The following CCSER1 variants were observed in gnomAD, a reference collection of about 807,000 sequenced individuals.
The protein encoded by CCSER1 is serine-rich coiled-coil domain-containing protein 1.
CCSER1 carries 41 observed loss-of-function variants against 82.0 expected under a neutral mutation model. That is an observed-to-expected ratio of 0.50 (90% CI 0.39 to 0.65). The LOEUF (loss-of-function observed/expected upper bound fraction) is 0.65, where lower values mean the gene tolerates loss of function less well. Ranked by LOEUF, CCSER1 falls within the 30% of genes least tolerant of loss-of-function variation. The pLI is 0.00. For synonymous variants in CCSER1, 414 were observed against 383.9 expected (o/e 1.08, Z -0.92); for missense variants, 1,119 against 1,064.2 (o/e 1.05, Z -0.72).
chr4:91,113,681 C>T (rs1489089323), intron 10 of CCSER1, among the ~76,000 whole-genome samples: 6 of 151,994 alleles, frequency 3.9e-5, no homozygotes, highest in Non-Finnish European at 5.9e-5. Flanking sequence ...CACACATACC[C>T]TTTGAGTTAA....
chr4:90,140,571 G>C lies in CCSER1; in HGVS notation c.-42+12740G>C, dbSNP rs570894710. Among the ~76,000 whole-genome samples the C allele has an allele frequency of 4.0e-5, 6 of 150,788 alleles. No individual in the cohort carries two copies. In the East Asian group the frequency reaches 1.2e-3, roughly 29 times the overall value. ...ATCAATCTTTGTTATATGTGTGTAC[G>C]TACACATGTACACAGGTATGTAGTA... is the stretch of plus-strand genomic sequence containing the variant. On this transcript the variant is annotated intron_variant, in intron 1 of 10. Transcript: ENST00000509176.
At chr4:90,500,942 C>T (rs1164858803) in intron 5 of CCSER1, among the ~76,000 whole-genome samples, 1 of 151,496 alleles carries the variant, frequency 6.6e-6, no homozygotes, top group African/African-American at 2.4e-5. Context: ...TGACTAAAAA[C>T]AAACAAAAAA....
intron 10 of CCSER1, among the ~76,000 whole-genome samples, chr4:91,566,044 ATTATT>A (rs1177189155): frequency 2.0e-5 from 3 of 151,992 alleles, no homozygotes; most frequent in Admixed American, 6.6e-5. Flanking sequence ...GATAGCTCTT[ATTATT>A]TTGAGTTATG....
intron 8 of CCSER1, among the ~76,000 whole-genome samples, chr4:90,837,630 T>TA (rs201780697): frequency 1.3e-4 from 20 of 152,076 alleles, no homozygotes; most frequent in Non-Finnish European, 2.4e-4. Context: ...AAAATAAGTA[T>TA]AAAAAAATCA....
At chr4:91,128,281 A>T (rs1015154536) in intron 10 of CCSER1, among the ~76,000 whole-genome samples, 12 of 152,022 alleles carry the variant, frequency 7.9e-5, no homozygotes, top group Non-Finnish European at 1.6e-4. Flanking sequence ...CCCTCCTTTT[A>T]TAATCATTAC....
intron 10 of CCSER1, among the ~76,000 whole-genome samples, chr4:91,580,899 G>A (rs553165084): frequency 4.6e-5 from 7 of 151,442 alleles, no homozygotes; most frequent in Admixed American, 2.6e-4. Flanking sequence ...TTTTACAGAT[G>A]AGGAAAATAA....
chr4:90,907,427 G>T (rs1482793226), intron 8 of CCSER1, among the ~76,000 whole-genome samples: 1 of 152,034 alleles, frequency 6.6e-6, no homozygotes, highest in African/African-American at 2.4e-5. Flanking sequence ...TCCTGTAGAA[G>T]ATATGTCTGT....
chr4:91,496,221 CAG>C (rs1173637529), intron 10 of CCSER1, among the ~76,000 whole-genome samples: 1 of 151,268 alleles, frequency 6.6e-6, no homozygotes, highest in Non-Finnish European at 1.5e-5. Context: ...ACAGTAAAAA[CAG>C]AATCATTAAA....
chr4:90,470,762 C>CAAAAAGAA (rs1764256004), intron 5 of CCSER1, among the ~76,000 whole-genome samples: 1 of 71,252 alleles, frequency 1.4e-5, no homozygotes, highest in East Asian at 4.3e-4. Flanking sequence ...TTAATCAAAG[C>CAAAAAGAA]AAAAAAAAAA....
intron 1 of CCSER1, among the ~76,000 whole-genome samples, chr4:90,174,336 T>A (rs1385851633): frequency 6.6e-6 from 1 of 151,962 alleles, no homozygotes; most frequent in African/African-American, 2.4e-5. Context: ...GTAACAGGGA[T>A]CAGATCTGAC....
At chr4:91,440,902 C>A (rs537925646) in intron 10 of CCSER1, among the ~76,000 whole-genome samples, 1 of 152,074 alleles carries the variant, frequency 6.6e-6, no homozygotes, top group Non-Finnish European at 1.5e-5. Context: ...CACATACACC[C>A]TCCCAAGACT....
intron 1 of CCSER1, among the ~76,000 whole-genome samples, chr4:90,216,517 T>C (rs978832321): frequency 6.6e-6 from 1 of 152,202 alleles, no homozygotes; most frequent in African/African-American, 2.4e-5. Context: ...ACATTACAGT[T>C]CTGTATTAGA....
At chr4:90,135,650 C>T (rs557293004) in intron 1 of CCSER1, among the ~76,000 whole-genome samples, 228 of 152,314 alleles carry the variant, frequency 1.5e-3, no homozygotes, top group Non-Finnish European at 2.7e-3. Context: ...GCTTTCTAAA[C>T]GACAGTGCAG....
At chr4:90,913,799 C>G (rs1726829714) in intron 8 of CCSER1, among the ~76,000 whole-genome samples, 1 of 139,272 alleles carries the variant, frequency 7.2e-6, no homozygotes, top group African/African-American at 3.0e-5. Context: ...GGAGGAAGAG[C>G]TACCAAGCAA....
chr4:91,394,852 G>GT lies in CCSER1; in HGVS notation c.2218-203710dup, dbSNP rs542667344. Reference sequence around the variant, plus strand: ...GAGAAAAAGAATTTGCTATCCCACTGTTTTTTTTTTGAAAATTAAACTCTG... The same window carrying GT: ...GAGAAAAAGAATTTGCTATCCCACTGTTTTTTTTTTTGAAAATTAAACTCTG... On this transcript the variant is annotated intron_variant, in intron 10 of 10. Coordinates refer to ENST00000509176, the MANE Select transcript of CCSER1 (RefSeq NM_001145065.2). 3.4e-3 allele frequency among the ~76,000 whole-genome samples: 503 copies of GT among 145,916 alleles called. 1 individual carries two copies. The highest frequency in any genetic ancestry group is 9.5e-3 in the African/African-American group (382 of 40,158).
chr4:90,866,489 C>A (rs1765746781), intron 8 of CCSER1, among the ~76,000 whole-genome samples: 1 of 151,992 alleles, frequency 6.6e-6, no homozygotes, highest in African/African-American at 2.4e-5. Flanking sequence ...AATTTGGAAA[C>A]TAATTATTGA....
At chr4:90,151,840 A>G (rs1259117098) in intron 1 of CCSER1, among the ~76,000 whole-genome samples, 1 of 152,268 alleles carries the variant, frequency 6.6e-6, no homozygotes, top group African/African-American at 2.4e-5. Flanking sequence ...TAACAAGATG[A>G]GTTAGACATG....
chr4:91,595,093 T>C (rs1334693065), intron 10 of CCSER1, among the ~76,000 whole-genome samples: 1 of 151,706 alleles, frequency 6.6e-6, no homozygotes, highest in Non-Finnish European at 1.5e-5. Flanking sequence ...TCCAATACTA[T>C]AGCCCTTCCC....
chr4:91,016,144 G>A (rs576857587), intron 9 of CCSER1, among the ~76,000 whole-genome samples: 2 of 152,054 alleles, frequency 1.3e-5, no homozygotes, highest in South Asian at 4.1e-4. Flanking sequence ...TAGTTTTAAT[G>A]TCACTGCATT....
Sources: allele counts gnomAD v4.1 joint callset (sites outside exome capture counted in the v4.1 genomes callset), GRCh38; gene constraint gnomAD v4.1.1; transcripts MANE v1.5; gene names NCBI Gene and HGNC (gene_info 2026-07-23, HGNC 2026-07-21).